Variants in PTPRB observed in about 807,000 individuals in gnomAD.
The protein encoded by PTPRB is receptor-type tyrosine-protein phosphatase beta.
A neutral mutation model predicts 238.1 loss-of-function variants in PTPRB; 97 were observed. The observed-to-expected ratio is 0.41, with a 90% CI of 0.35 to 0.48. PTPRB has a LOEUF of 0.48. PTPRB is among the 20% of genes least tolerant of loss of function. PTPRB has a pLI of 0.30. For synonymous variants in PTPRB, 970 were observed against 995.4 expected (o/e 0.97, Z 0.48); for missense variants, 2,292 against 2,681.9 (o/e 0.85, Z 3.21).
rs1300641944 is a variant in PTPRB at position 70,541,118 on chromosome 12, T to C, written c.5495-161A>G. On this transcript the variant is annotated intron_variant, in intron 22 of 33. Transcript: ENST00000334414. ...ATTTACTTTCCAAAGGCTCTGAGTATGCACCTAAGAAGATGATGAAAGGCT... is the reference window on the plus strand; with the variant it reads ...ATTTACTTTCCAAAGGCTCTGAGTACGCACCTAAGAAGATGATGAAAGGCT... 9.6e-6 allele frequency: 6 copies of C among 628,160 alleles called. No individual in the cohort carries two copies. In the East Asian group the frequency reaches 1.4e-4, roughly 15 times the overall value. 38.9% of individuals were successfully genotyped at this position (628,160 alleles called of 1,614,324 possible). A position where few individuals can be genotyped will look rare whatever the true frequency, so the allele number is the denominator to read the frequency against.
At chr12:70,609,849 G>C (rs779138957) in intron 3 of PTPRB, 3 of 1,556,340 alleles carry the variant, frequency 1.9e-6, no homozygotes, top group African/African-American at 2.7e-5. Flanking sequence ...GGAGACCGAG[G>C]GGGCTGGACG....
At chr12:70,533,606 ATGTT>A (rs1316328486) in intron 31 of PTPRB, among the ~76,000 whole-genome samples, 3 of 152,170 alleles carry the variant, frequency 2.0e-5, no homozygotes, top group Non-Finnish European at 2.9e-5. Context: ...TGTGGTTTGA[ATGTT>A]TGTGTCCCCT....
chr12:70,552,751 A>G (rs753167831), intron 21 of PTPRB, 26 bp downstream of exon 21: 1 of 1,612,326 alleles, frequency 6.2e-7, no homozygotes, highest in Non-Finnish European at 8.5e-7. Context: ...TGTCCCTTCT[A>G]GCAAAACAGT....
At chr12:70,598,122 G>C (rs1285579746) in intron 4 of PTPRB, among the ~76,000 whole-genome samples, 1 of 152,172 alleles carries the variant, frequency 6.6e-6, no homozygotes, top group African/African-American at 2.4e-5. Context: ...CAGCCCTTTG[G>C]TTCACCTGAA....
intron 4 of PTPRB, among the ~76,000 whole-genome samples, chr12:70,602,614 G>A (rs11178326): frequency 0.21 from 32,200 of 152,070 alleles, 3,530 homozygotes; most frequent in East Asian, 0.28. Context: ...ATATTTACAA[G>A]TGAAATGAAA....
intron 14 of PTPRB, among the ~76,000 whole-genome samples, chr12:70,569,259 C>T (rs570599869): frequency 3.3e-5 from 5 of 152,066 alleles, no homozygotes; most frequent in African/African-American, 4.8e-5. Context: ...TGCACCACCA[C>T]GCCTGGCTAA....
At chr12:70,529,569 AGAG>A (rs919654900) in intron 32 of PTPRB, among the ~76,000 whole-genome samples, 2 of 152,176 alleles carry the variant, frequency 1.3e-5, no homozygotes, top group African/African-American at 2.4e-5. Flanking sequence ...AGGATATAGA[AGAG>A]GAGGAAAACA....
At chr12:70,624,317 C>T (rs775743882) in intron 2 of PTPRB, among the ~76,000 whole-genome samples, 25 of 152,160 alleles carry the variant, frequency 1.6e-4, no homozygotes, top group East Asian at 3.9e-4. Context: ...TATTATCTGG[C>T]GATCCTACTT....
At position 70,559,529 on chromosome 12, in the gene PTPRB, C is replaced by T. The variant is rs1250884124; in HGVS notation, c.4528G>A (p.Asp1510Asn). The change falls in exon 18 of 34, where the codon GAC becomes AAC. Residue 1510 changes from aspartate to asparagine, a missense_variant. By Grantham distance (23) the Asp-to-Asn change is conservative. Transcript: ENST00000334414. ...KGPPDWTDYN[D>N]FELQWLPRDA... ...CTGGGCAACCACTGCAGCTCAAAGTCGTTGTAGTCTGTCCAGTCTGGGGGC... is the reference window on the plus strand; with the variant it reads ...CTGGGCAACCACTGCAGCTCAAAGTTGTTGTAGTCTGTCCAGTCTGGGGGC... 4 of 1,613,852 alleles carry T rather than the reference C, an allele frequency of 2.5e-6. No homozygotes were observed. Among genetic ancestry groups the T allele is most frequent in the East Asian group, 2.2e-5 (1 of 44,888 alleles).
At position 70,540,976 on chromosome 12, in the gene PTPRB, A is replaced by G. The variant is rs747585613; in HGVS notation, c.5495-19T>C. On this transcript the variant is annotated intron_variant, in intron 22 of 33. Coordinates refer to ENST00000334414, the MANE Select transcript of PTPRB (RefSeq NM_001109754.4). Reference sequence around the variant, plus strand: ...AAGGGCTCTACAATAATCCAGATAGAAACAACAAACGCAGGTGGGAAAATT... The same window carrying G: ...AAGGGCTCTACAATAATCCAGATAGGAACAACAAACGCAGGTGGGAAAATT... 5 of 1,576,210 alleles carry G rather than the reference A, an allele frequency of 3.2e-6. No individual in the cohort carries two copies. The highest frequency in any genetic ancestry group is 4.3e-6 in the Non-Finnish European group (5 of 1,158,754).
chr12:70,592,180 G>A (rs910267154), intron 7 of PTPRB, 102 bp downstream of exon 7: 12 of 1,513,248 alleles, frequency 7.9e-6, no homozygotes, highest in Non-Finnish European at 9.9e-6. Context: ...CCACTTCTCA[G>A]ATTGGGAAAG....
At chr12:70,525,145 T>G (rs1430844990) in intron 32 of PTPRB, among the ~76,000 whole-genome samples, 1 of 152,088 alleles carries the variant, frequency 6.6e-6, no homozygotes, top group African/African-American at 2.4e-5. Context: ...GTGAAGTAAA[T>G]ACAATTATCA....
chr12:70,632,433 T>G (rs1885497632), intron 2 of PTPRB, among the ~76,000 whole-genome samples: 2 of 146,244 alleles, frequency 1.4e-5, no homozygotes, highest in African/African-American at 2.5e-5. Flanking sequence ...TGTCGGGGGG[T>G]GGGGGACTGG....
At chr12:70,572,204 A>G in intron 11 of PTPRB, 117 bp from the exon 12 acceptor site, 2 of 1,131,044 alleles carry the variant, frequency 1.8e-6, no homozygotes, top group Non-Finnish European at 2.5e-6. Context: ...TGCATTTAAA[A>G]GAAAAATCTT....
intron 4 of PTPRB, among the ~76,000 whole-genome samples, chr12:70,599,138 AT>A (rs1883267886): frequency 6.6e-6 from 1 of 152,214 alleles, no homozygotes. Context: ...ACTCTGATGG[AT>A]TTAAAAAGTT....
At position 70,622,586 on chromosome 12, in the gene PTPRB, A is replaced by C; in HGVS notation, c.512T>G (p.Leu171Arg). The C allele has an allele frequency of 1.3e-6, 2 of 1,593,704 alleles. No individual in the cohort carries two copies. Among genetic ancestry groups the C allele is most frequent in the Non-Finnish European group, 1.7e-6 (2 of 1,169,242 alleles). ...STRNTAPPQI[L>R]TTFNAVPDGL... ...ATCTGGAACTGCATTAAAGGTAGTG[A>C]GAATCTGGGGTGGAGCCGTGTTTCT... Residue 171 changes from leucine to arginine, a missense_variant, in exon 3 of 34, where the codon CTC becomes CGC. Leu to Arg is a moderately radical substitution (Grantham distance 102). Transcript: ENST00000334414.
At chr12:70,604,818 T>C (rs1555235991) in intron 4 of PTPRB, among the ~76,000 whole-genome samples, 1 of 152,108 alleles carries the variant, frequency 6.6e-6, no homozygotes, top group Non-Finnish European at 1.5e-5. Context: ...TACCACTATA[T>C]GAGGACATGC....
At chr12:70,584,683 T>C (rs1431669678) in intron 9 of PTPRB, among the ~76,000 whole-genome samples, 5 of 152,112 alleles carry the variant, frequency 3.3e-5, no homozygotes, top group African/African-American at 9.7e-5. Flanking sequence ...AAATGAGAGC[T>C]ATATAAAAAT....
intron 2 of PTPRB, among the ~76,000 whole-genome samples, chr12:70,634,510 G>T (rs1885595814): frequency 6.6e-6 from 1 of 152,122 alleles, no homozygotes; most frequent in South Asian, 2.1e-4. Flanking sequence ...TGTTACATAG[G>T]TAAACGTGTG....
Sources: allele counts gnomAD v4.1 joint callset (sites outside exome capture counted in the v4.1 genomes callset), GRCh38; gene constraint gnomAD v4.1.1; transcripts MANE v1.5; gene names NCBI Gene and HGNC (gene_info 2026-07-23, HGNC 2026-07-21).